INVS: variants seen among roughly 807,000 people sequenced by gnomAD.
The protein encoded by INVS is inversion of embryo turning homolog.
INVS carries 86 observed loss-of-function variants against 108.8 expected under a neutral mutation model. The observed-to-expected ratio is 0.79, with a 90% confidence interval of 0.66 to 0.95. The LOEUF (loss-of-function observed/expected upper bound fraction) is 0.95. Ranked by LOEUF, INVS falls within the 40% of genes least tolerant of loss-of-function variation. The probability of loss-of-function intolerance (pLI) is 0.00; values close to 1 mark genes in which losing one functional copy is unlikely to be tolerated. For missense variants in INVS, 1,169 were observed against 1,297.4 expected (o/e 0.90, Z 1.52); for synonymous variants, 455 against 473.5 (o/e 0.96, Z 0.51).
At chr9:100,249,746 G>A (rs1474661184) in intron 8 of INVS, among the ~76,000 whole-genome samples, 1 of 145,468 alleles carries the variant, frequency 6.9e-6, no homozygotes, top group African/African-American at 2.6e-5. Context: ...CACCCACCTC[G>A]GCCTCCCAAA....
chr9:100,285,128 T>A (rs1393672522), intron 13 of INVS, among the ~76,000 whole-genome samples: 1 of 152,222 alleles, frequency 6.6e-6, no homozygotes, highest in Admixed American at 6.5e-5. Flanking sequence ...AGCAACAAAT[T>A]CTTTCAGTTT....
intron 5 of INVS, among the ~76,000 whole-genome samples, chr9:100,230,449 TTTTTGTTTTTGTTTTG>T (rs1285236432): frequency 1.3e-5 from 2 of 151,982 alleles, no homozygotes; most frequent in Admixed American, 1.3e-4. Context: ...ATATTGCATG[TTTTTGTTTTTGTTTTG>T]TTTTGTTTTT....
chr9:100,286,666 C>T (rs1833453910), intron 13 of INVS, among the ~76,000 whole-genome samples: 1 of 152,170 alleles, frequency 6.6e-6, no homozygotes, highest in African/African-American at 2.4e-5. Context: ...ATTTATTCAT[C>T]CAACCAGCTT....
intron 3 of INVS, chr9:100,175,959 A>G (rs1231114003): frequency 3.5e-6 from 2 of 565,972 alleles, no homozygotes. Flanking sequence ...GAAGAAAGCT[A>G]CAATGGAATA....
intron 1 of INVS, among the ~76,000 whole-genome samples, chr9:100,101,094 A>G (rs1345871485): frequency 1.5e-5 from 2 of 131,478 alleles, no homozygotes; most frequent in South Asian, 2.2e-4. Flanking sequence ...ACATATATAT[A>G]AAACAGAGAT....
At chr9:100,299,751 CTG>C (rs1465441597) in intron 16 of INVS, among the ~76,000 whole-genome samples, 2 of 151,684 alleles carry the variant, frequency 1.3e-5, no homozygotes, top group Non-Finnish European at 2.9e-5. Context: ...AATGGAATAA[CTG>C]TGATTATTAG....
At chr9:100,291,250 G>A (rs1050695943) in intron 13 of INVS, among the ~76,000 whole-genome samples, 10 of 151,980 alleles carry the variant, frequency 6.6e-5, no homozygotes, top group African/African-American at 2.4e-4. Context: ...TTTTAGTAGA[G>A]ACGAGATTTC....
intron 3 of INVS, among the ~76,000 whole-genome samples, chr9:100,156,618 G>A (rs1222944243): frequency 6.6e-6 from 1 of 151,868 alleles, no homozygotes; most frequent in African/African-American, 2.4e-5. Flanking sequence ...TTCAAAAGTT[G>A]AAACTACATG....
chr9:100,102,996 G>A (rs1827049625), intron 1 of INVS, among the ~76,000 whole-genome samples: 1 of 151,846 alleles, frequency 6.6e-6, no homozygotes, highest in African/African-American at 2.4e-5. Context: ...GGGATTATGG[G>A]CACGCGCCAC....
rs1375178762 is a variant in INVS at position 100,162,829 on chromosome 9, A to G, written c.273+36280A>G. ...GTGACAGAGCAAGACTCCATCTCAA[A>G]AAAAAAAAAAGTCACCTTCTGAGTT... On this transcript the variant is annotated intron_variant, in intron 3 of 16. Coordinates refer to ENST00000262457, the MANE Select transcript of INVS (RefSeq NM_014425.5). 2.0e-5 allele frequency among the ~76,000 whole-genome samples: 3 copies of G among 151,730 alleles called. No homozygotes were observed. The East Asian group carries it at 5.8e-4, about 29-fold the overall frequency.
intron 3 of INVS, among the ~76,000 whole-genome samples, chr9:100,128,176 A>C (rs1827945895): frequency 6.6e-6 from 1 of 152,202 alleles, no homozygotes. Context: ...CAGACATGTT[A>C]GCTGTAATCT....
intron 3 of INVS, among the ~76,000 whole-genome samples, chr9:100,221,544 A>G (rs1438582697): frequency 6.6e-6 from 1 of 152,094 alleles, no homozygotes; most frequent in Non-Finnish European, 1.5e-5. Flanking sequence ...GCCTTCATAG[A>G]TAATATCTGA....
intron 12 of INVS, among the ~76,000 whole-genome samples, chr9:100,273,524 GTTC>G (rs1833019025): frequency 2.1e-5 from 2 of 95,802 alleles, no homozygotes; most frequent in African/African-American, 8.1e-5. Context: ...TTTCCACTCA[GTTC>G]TTTTTTTTTT....
rs1159727110 is a variant in INVS at position 100,272,954 on chromosome 9, A to G, written c.1662A>G (p.Ile554Met). ...LEHGALSIAA[I>M]QDIAAFKIQA... ...ACGGTGCCCTGTCCATCGCAGCCAT[A>G]CAAGACATCGCCGCCTTCAAAATCC... Residue 554 changes from isoleucine to methionine, a missense_variant, in exon 12 of 17, where the codon ATA becomes ATG. By Grantham distance (10) the Ile-to-Met change is conservative. Transcript: ENST00000262457. 1 of 1,614,132 alleles carries G rather than the reference A, an allele frequency of 6.2e-7. No homozygotes were observed.
chr9:100,238,900 A>G (rs1167234991), intron 5 of INVS, among the ~76,000 whole-genome samples: 4 of 152,270 alleles, frequency 2.6e-5, no homozygotes, highest in African/African-American at 9.6e-5. Context: ...AAAAAATCTC[A>G]ACCCCATTCA....
chr9:100,289,745 T>C (rs1833555572), intron 13 of INVS, among the ~76,000 whole-genome samples: 1 of 152,252 alleles, frequency 6.6e-6, no homozygotes, highest in African/African-American at 2.4e-5. Flanking sequence ...AAACTGCATG[T>C]CACCCAGTTT....
At chr9:100,233,052 C>A (rs1831562716) in intron 5 of INVS, among the ~76,000 whole-genome samples, 1 of 152,030 alleles carries the variant, frequency 6.6e-6, no homozygotes, top group African/African-American at 2.4e-5. Flanking sequence ...TTATAGTTCT[C>A]CTTCAGGGAA....
At chr9:100,235,692 C>A (rs2118467926) in intron 5 of INVS, among the ~76,000 whole-genome samples, 1 of 152,282 alleles carries the variant, frequency 6.6e-6, no homozygotes, top group Middle Eastern at 3.4e-3. Context: ...TGAATATTGG[C>A]CCCCACTCTC....
chr9:100,137,604 A>G (rs1371127085), intron 3 of INVS, among the ~76,000 whole-genome samples: 1 of 152,180 alleles, frequency 6.6e-6, no homozygotes, highest in African/African-American at 2.4e-5. Context: ...CCTCTGTAAA[A>G]TGGAGATAAT....
Sources: allele counts gnomAD v4.1 joint callset (sites outside exome capture counted in the v4.1 genomes callset), GRCh38; gene constraint gnomAD v4.1.1; transcripts MANE v1.5; gene names NCBI Gene and HGNC (gene_info 2026-07-23, HGNC 2026-07-21).